Variants in GRK3 observed in about 807,000 individuals in gnomAD.
The protein encoded by GRK3 is adrenergic, beta, receptor kinase 2.
In GRK3, 54 loss-of-function variants were observed where a neutral mutation model predicts 95.7. That is an observed-to-expected ratio of 0.56 (90% CI 0.45 to 0.71). GRK3 has a LOEUF of 0.71. Ranked by LOEUF, GRK3 falls within the 30% of genes least tolerant of loss-of-function variation. The pLI is 0.00. For missense variants in GRK3, 649 were observed against 851.2 expected, an observed-to-expected ratio of 0.76 and a Z score of 2.96; for synonymous variants, 281 against 290.8, an observed-to-expected ratio of 0.97 and a Z score of 0.34.
chr22:25,639,268 G>A (rs1203656824), intron 2 of GRK3, among the ~76,000 whole-genome samples: 1 of 152,060 alleles, frequency 6.6e-6, no homozygotes, highest in Non-Finnish European at 1.5e-5. Flanking sequence ...TTTGCATAAA[G>A]ATTTTCTGTG....
At chr22:25,688,092 C>A (rs771465542) in intron 11 of GRK3, among the ~76,000 whole-genome samples, 4 of 151,894 alleles carry the variant, frequency 2.6e-5, no homozygotes, top group Non-Finnish European at 5.9e-5. Flanking sequence ...AAAAATTAGC[C>A]GGGCGTGGTG....
At chr22:25,593,303 G>A (rs150618218) in intron 1 of GRK3, among the ~76,000 whole-genome samples, 3 of 152,272 alleles carry the variant, frequency 2.0e-5, no homozygotes, top group Admixed American at 6.5e-5. Context: ...CCCACCAGCA[G>A]TGTATAGGCA....
chr22:25,658,161 G>A (rs1197965764), intron 3 of GRK3, among the ~76,000 whole-genome samples: 1 of 152,022 alleles, frequency 6.6e-6, no homozygotes, highest in African/African-American at 2.4e-5. Flanking sequence ...TCTAACATTT[G>A]GGCTATCTTG....
chr22:25,721,084 A>G (rs758548939), intron 19 of GRK3, among the ~76,000 whole-genome samples, 200 bp from the exon 20 acceptor site: 24 of 152,208 alleles, frequency 1.6e-4, no homozygotes, highest in Non-Finnish European at 3.2e-4. Context: ...CTTTCTCTGC[A>G]GTTTTCCTTG....
chr22:25,701,561 A>G (rs1241947000), intron 13 of GRK3, among the ~76,000 whole-genome samples: 1 of 152,180 alleles, frequency 6.6e-6, no homozygotes, highest in Non-Finnish European at 1.5e-5. Context: ...TGGCACCACT[A>G]ACTTTAACTC....
In GRK3 at chr22:25,690,216, G is replaced by C; in HGVS notation, c.985G>C (p.Gly329Arg). 6.2e-7 allele frequency: 1 copy of C among 1,613,980 alleles called. No homozygotes were observed. The highest frequency in any genetic ancestry group is 8.5e-7 in the Non-Finnish European group (1 of 1,179,886). Residue 329 changes from glycine (G) to arginine (R), a missense_variant, in exon 12 of 21, where the codon GGA (glycine) becomes CGA (arginine). Physicochemically the swap from Gly to Arg is moderately radical, Grantham distance 125. Coordinates refer to ENST00000324198, the MANE Select transcript of GRK3 (RefSeq NM_005160.4). ...AGCAAATATTCTCTTGGATGAACAT[G>C]GACACGCAAGAATATCAGATCTTGG... ...KPANILLDEH[G>R]HARISDLGLA... is the part of the protein sequence containing the mutation.
chr22:25,566,230 G>T (rs534713305), intron 1 of GRK3, among the ~76,000 whole-genome samples: 1 of 152,244 alleles, frequency 6.6e-6, no homozygotes, highest in South Asian at 2.1e-4. Context: ...CTCAAAAGAG[G>T]CATCTTGTTT....
intron 1 of GRK3, among the ~76,000 whole-genome samples, chr22:25,602,035 G>A (rs1437438146): frequency 1.3e-5 from 2 of 152,200 alleles, no homozygotes; most frequent in African/African-American, 2.4e-5. Context: ...AAAATGAAGA[G>A]CTGAGGTGCT....
In GRK3 at chr22:25,687,443, C is replaced by G. The variant is rs905642701; in HGVS notation, c.827-94C>G. On this transcript the variant is annotated intron_variant, in intron 10 of 20. Coordinates refer to ENST00000324198, the MANE Select transcript of GRK3 (RefSeq NM_005160.4). ...TAGACCAAGCAGAAGCATAGTTTCC[C>G]TTTTTCTGCTGAGTCCTGACTATTT... 7 of 1,369,862 alleles carry G rather than the reference C, an allele frequency of 5.1e-6. No homozygotes were observed. The African/African-American group carries it at 7.2e-5, about 14-fold the overall frequency. 84.9% of individuals were successfully genotyped at this position (1,369,862 alleles called of 1,614,324 possible).
At chr22:25,570,993 T>C (rs187399219) in intron 1 of GRK3, among the ~76,000 whole-genome samples, 1 of 152,294 alleles carries the variant, frequency 6.6e-6, no homozygotes, top group Admixed American at 6.5e-5. Context: ...AGTGAAAATA[T>C]TTTTGCGACA....
At chr22:25,615,005 C>T (rs1043824814) in intron 2 of GRK3, among the ~76,000 whole-genome samples, 1 of 152,176 alleles carries the variant, frequency 6.6e-6, no homozygotes, top group African/African-American at 2.4e-5. Context: ...CAGTACTGAA[C>T]AGTTGTTAAG....
At chr22:25,586,238 G>C (rs1212182251) in intron 1 of GRK3, among the ~76,000 whole-genome samples, 1 of 152,274 alleles carries the variant, frequency 6.6e-6, no homozygotes, top group African/African-American at 2.4e-5. Context: ...CTCTTCAAGG[G>C]TGGTGGGAGA....
chr22:25,642,439 A>G (rs1457356612), intron 2 of GRK3, among the ~76,000 whole-genome samples: 2 of 152,166 alleles, frequency 1.3e-5, no homozygotes, highest in African/African-American at 4.8e-5. Flanking sequence ...TCTCAAAAAT[A>G]AATAAATAAA....
At chr22:25,715,460 G>A (rs544578859) in intron 18 of GRK3, among the ~76,000 whole-genome samples, 12 of 152,144 alleles carry the variant, frequency 7.9e-5, no homozygotes, top group African/African-American at 2.9e-4. Context: ...AGTGAGCTGA[G>A]ATTGTGCCAC....
rs1055168443 is a variant in GRK3 at position 25,727,223 on chromosome 22, T to C, written c.*4773T>C. 1 of 152,186 alleles carries C rather than the reference T, an allele frequency of 6.6e-6. No homozygotes were observed. The highest frequency in any genetic ancestry group is 2.4e-5 in the African/African-American group (1 of 41,442). The allele number at this position is 152,186 out of a possible 1,614,324, so 9.4% of individuals were successfully genotyped here. A position where few individuals can be genotyped will look rare whatever the true frequency, so the allele number is the denominator to read the frequency against. On this transcript the variant is annotated 3_prime_UTR_variant, in exon 21 of 21. Coordinates refer to ENST00000324198, the MANE Select transcript of GRK3 (RefSeq NM_005160.4). ...CTAAAGATTTAACATGATTTTTCCCTCCTATGTAAAGTTTACTGGAGAGAC... is the reference window on the plus strand; with the variant it reads ...CTAAAGATTTAACATGATTTTTCCCCCCTATGTAAAGTTTACTGGAGAGAC...
At chr22:25,625,566 C>A (rs113410061) in intron 2 of GRK3, among the ~76,000 whole-genome samples, 10,286 of 152,122 alleles carry the variant, frequency 0.068, 435 homozygotes, top group African/African-American at 0.11. Context: ...AGTCTCCCTT[C>A]CCCCGGGGAA....
chr22:25,636,045 AC>A (rs1191292686), intron 2 of GRK3, among the ~76,000 whole-genome samples: 1 of 152,146 alleles, frequency 6.6e-6, no homozygotes, highest in Admixed American at 6.5e-5. Context: ...AGTTTTGGCT[AC>A]TAGGAGTGCT....
Position 25,728,713 on chromosome 22 carries a change from TC to T in GRK3, c.*6269del, listed in dbSNP as rs1170532688. The T allele has an allele frequency of 6.6e-6, 1 of 152,084 alleles. No homozygotes were observed. Among genetic ancestry groups the T allele is most frequent in the Non-Finnish European group, 1.5e-5 (1 of 68,022 alleles). The allele number at this position is 152,084 out of a possible 1,614,324, so 9.4% of individuals were successfully genotyped here. A position where few individuals can be genotyped will look rare whatever the true frequency, so the allele number is the denominator to read the frequency against. On this transcript the variant is annotated 3_prime_UTR_variant, in exon 21 of 21. Coordinates refer to ENST00000324198, the MANE Select transcript of GRK3 (RefSeq NM_005160.4). ...AGTAGCACATTTGAGTGTGACTTTTTCCCCCCTTCACTATTTCAAAATGGTT... is the reference window on the plus strand; with the variant it reads ...AGTAGCACATTTGAGTGTGACTTTTTCCCCCTTCACTATTTCAAAATGGTT...
At chr22:25,566,500 G>A (rs1203769185) in intron 1 of GRK3, among the ~76,000 whole-genome samples, 1 of 152,112 alleles carries the variant, frequency 6.6e-6, no homozygotes, top group Non-Finnish European at 1.5e-5. Flanking sequence ...TTTTGAGCTT[G>A]CTTTTCCTCC....
Sources: allele counts gnomAD v4.1 joint callset (sites outside exome capture counted in the v4.1 genomes callset), GRCh38; gene constraint gnomAD v4.1.1; transcripts MANE v1.5; gene names NCBI Gene and HGNC (gene_info 2026-07-23, HGNC 2026-07-21).